KDM4C: variants seen among roughly 807,000 people sequenced by gnomAD.
KDM4C encodes the protein lysine demethylase 4C, also known as lysine-specific demethylase 4C.
A neutral mutation model predicts 129.3 loss-of-function variants in KDM4C; 81 were observed. That is an observed-to-expected ratio of 0.63 (90% CI 0.52 to 0.75). KDM4C has a LOEUF of 0.75. KDM4C is among the 30% of genes least tolerant of loss of function. The probability of loss-of-function intolerance (pLI) is 0.00; values close to 1 mark genes in which losing one functional copy is unlikely to be tolerated. For synonymous variants in KDM4C, 573 were observed against 456.1 expected, an observed-to-expected ratio of 1.26 and a Z score of -3.26; for missense variants, 1,457 against 1,304.0, an observed-to-expected ratio of 1.12 and a Z score of -1.81.
chr9:6,898,354 G>A (rs1005775921), intron 8 of KDM4C, among the ~76,000 whole-genome samples: 1 of 152,038 alleles, frequency 6.6e-6, no homozygotes, highest in East Asian at 1.9e-4. Flanking sequence ...CGTTTATACC[G>A]TCTGAAGCAG....
chr9:6,987,990 T>C (rs1475405608), intron 11 of KDM4C, among the ~76,000 whole-genome samples: 1 of 149,842 alleles, frequency 6.7e-6, no homozygotes, highest in Non-Finnish European at 1.5e-5. Context: ...ACACCCTGTG[T>C]CTACAAAAAA....
chr9:7,029,085 G>T (rs1001621418), intron 15 of KDM4C, among the ~76,000 whole-genome samples: 1 of 152,160 alleles, frequency 6.6e-6, no homozygotes, highest in Non-Finnish European at 1.5e-5. Context: ...CTCCAGAGGG[G>T]ATGATTCGTG....
At chr9:7,169,983 C>A in intron 21 of KDM4C, 93 bp downstream of exon 21, 1 of 1,585,874 alleles carries the variant, frequency 6.3e-7, no homozygotes, top group Non-Finnish European at 8.6e-7. Flanking sequence ...CATACTTGGG[C>A]TTTTGGATTA....
At chr9:6,946,134 A>C (rs191113606) in intron 8 of KDM4C, among the ~76,000 whole-genome samples, 39 of 152,288 alleles carry the variant, frequency 2.6e-4, no homozygotes, top group East Asian at 5.8e-4. Flanking sequence ...TTAGTGGATC[A>C]TATGGATTGG....
intron 3 of KDM4C, among the ~76,000 whole-genome samples, chr9:6,806,188 G>C (rs1450174345): frequency 6.6e-6 from 1 of 152,114 alleles, no homozygotes; most frequent in Admixed American, 6.6e-5. Flanking sequence ...GTTATTTATT[G>C]CTGTGTAACA....
At chr9:6,810,364 GAATA>G (rs753294390) in intron 3 of KDM4C, among the ~76,000 whole-genome samples, 1 of 152,092 alleles carries the variant, frequency 6.6e-6, no homozygotes, top group East Asian at 1.9e-4. Context: ...TTTTTCAAAT[GAATA>G]AATAGTGTTA....
intron 1 of KDM4C, among the ~76,000 whole-genome samples, chr9:6,770,919 G>A (rs1379434667): frequency 6.6e-6 from 1 of 151,148 alleles, no homozygotes; most frequent in East Asian, 1.9e-4. Flanking sequence ...GGGACTACAG[G>A]TGCATGCCAC....
intron 12 of KDM4C, among the ~76,000 whole-genome samples, chr9:7,004,211 C>T (rs569307479): frequency 1.7e-4 from 26 of 152,178 alleles, no homozygotes; most frequent in Non-Finnish European, 3.4e-4. Flanking sequence ...TCCTTAGGGA[C>T]GTCACTTACA....
Position 6,940,022 on chromosome 9 carries a change from CTTCCTTCCTTCT to C in KDM4C, c.922-40891_922-40880del, listed in dbSNP as rs1195416099. ...CCTTCCTTCCTTCCTTCCTTCCTTC[CTTCCTTCCTTCT>C]TTCCTTCCTTCCCTCCTTCCCTCCT... On this transcript the variant is annotated intron_variant, in intron 8 of 21. Transcript: ENST00000381309. Among the ~76,000 whole-genome samples, 185 of 133,722 alleles carry C rather than the reference CTTCCTTCCTTCT, an allele frequency of 1.4e-3. 1 individual carries two copies. Among genetic ancestry groups the C allele is most frequent in the South Asian group, 4.0e-3 (16 of 3,990 alleles). 87.7% of individuals were successfully genotyped at this position (133,722 alleles called of 152,430 possible).
At chr9:7,091,754 G>A (rs938313661) in intron 17 of KDM4C, among the ~76,000 whole-genome samples, 2 of 152,164 alleles carry the variant, frequency 1.3e-5, no homozygotes, top group African/African-American at 2.4e-5. Flanking sequence ...TGGGAAGCAA[G>A]GGTTGAAGAA....
intron 4 of KDM4C, among the ~76,000 whole-genome samples, chr9:6,843,514 G>A (rs1837343378): frequency 6.6e-6 from 1 of 152,202 alleles, no homozygotes; most frequent in African/African-American, 2.4e-5. Flanking sequence ...AACAGTTTCA[G>A]TGAAAGACTG....
intron 19 of KDM4C, among the ~76,000 whole-genome samples, chr9:7,147,625 G>T (rs1842333824): frequency 1.3e-5 from 2 of 152,160 alleles, no homozygotes; most frequent in South Asian, 4.1e-4. Context: ...GGGGTGAGAA[G>T]TTAAAGTCCT....
At chr9:7,172,934 GTAGGGAATTGGGAAGCAAAAA>G (rs1845107624) in intron 21 of KDM4C, among the ~76,000 whole-genome samples, 1 of 152,264 alleles carries the variant, frequency 6.6e-6, no homozygotes, top group South Asian at 2.1e-4. Flanking sequence ...AGGCAAGATA[GTAGGGAATTGGGAAGCAAAAA>G]TAGTGCCTAC....
chr9:7,109,149 G>A (rs954056549), intron 18 of KDM4C, among the ~76,000 whole-genome samples: 10 of 152,202 alleles, frequency 6.6e-5, no homozygotes, highest in African/African-American at 2.4e-4. Flanking sequence ...ATGGGCATAT[G>A]CAGTGGTATG....
chr9:6,771,228 G>T (rs995538555), intron 1 of KDM4C, among the ~76,000 whole-genome samples: 1 of 151,512 alleles, frequency 6.6e-6, no homozygotes, highest in African/African-American at 2.4e-5. Flanking sequence ...ACTGCACCTG[G>T]CCTGATTGTG....
At chr9:6,987,031 C>T (rs1473763639) in intron 11 of KDM4C, among the ~76,000 whole-genome samples, 1 of 152,154 alleles carries the variant, frequency 6.6e-6, no homozygotes, top group African/African-American at 2.4e-5. Context: ...TCTTAGAAAA[C>T]TATAGTACAA....
At chr9:6,790,892 A>G (rs1219253586) in intron 1 of KDM4C, among the ~76,000 whole-genome samples, 3 of 152,096 alleles carry the variant, frequency 2.0e-5, no homozygotes, top group Non-Finnish European at 2.9e-5. Flanking sequence ...AGCGAGATTA[A>G]GCCTGTGTTT....
chr9:7,143,129 G>C (rs983328881), intron 19 of KDM4C, among the ~76,000 whole-genome samples: 1 of 152,030 alleles, frequency 6.6e-6, no homozygotes. Context: ...TACCAGCATC[G>C]CTTATACTGA....
At chr9:7,137,256 C>G (rs1841311297) in intron 19 of KDM4C, among the ~76,000 whole-genome samples, 1 of 152,170 alleles carries the variant, frequency 6.6e-6, no homozygotes, top group East Asian at 1.9e-4. Flanking sequence ...GCAGGCTTAC[C>G]CATGAATGTT....
Sources: gnomAD v4.1 joint callset for allele counts (sites outside exome capture counted in the v4.1 genomes callset) on GRCh38, gnomAD v4.1.1 for gene constraint, MANE v1.5 for transcripts, NCBI Gene and HGNC (gene_info 2026-07-23, HGNC 2026-07-21) for gene names.